The following RIMS1 variants were observed in gnomAD, a reference collection of about 807,000 sequenced individuals.
RIMS1 encodes regulating synaptic membrane exocytosis protein 1.
A neutral mutation model predicts 214.1 loss-of-function variants in RIMS1; 83 were observed. The observed-to-expected ratio is 0.39, with a 90% CI of 0.32 to 0.47. The LOEUF (loss-of-function observed/expected upper bound fraction) is 0.47, where lower values mean the gene tolerates loss of function less well. RIMS1 is among the 20% of genes least tolerant of loss of function. RIMS1 has a pLI of 0.99. For synonymous variants in RIMS1, 793 were observed against 786.8 expected, an observed-to-expected ratio of 1.01 and a Z score of -0.13; for missense variants, 2,050 against 2,161.8, an observed-to-expected ratio of 0.95 and a Z score of 1.03.
intron 4 of RIMS1, among the ~76,000 whole-genome samples, chr6:72,159,206 G>A (rs550065273): frequency 2.8e-5 from 4 of 141,206 alleles, no homozygotes; most frequent in African/African-American, 7.4e-5. Flanking sequence ...CTTTTGAGAA[G>A]TGTCTGTTCA....
chr6:72,191,541 C>T (rs2050076652), intron 6 of RIMS1, among the ~76,000 whole-genome samples: 1 of 152,336 alleles, frequency 6.6e-6, no homozygotes, highest in Non-Finnish European at 1.5e-5. Context: ...CAATCAAGCT[C>T]TCTCAGAACA....
intron 4 of RIMS1, among the ~76,000 whole-genome samples, chr6:72,142,193 A>T (rs1300254432): frequency 6.6e-6 from 1 of 151,966 alleles, no homozygotes; most frequent in Non-Finnish European, 1.5e-5. Flanking sequence ...GCAGAAAAAA[A>T]AATCATTGGG....
intron 6 of RIMS1, among the ~76,000 whole-genome samples, chr6:72,197,633 A>G (rs1379655041): frequency 6.6e-6 from 1 of 152,142 alleles, no homozygotes; most frequent in African/African-American, 2.4e-5. Flanking sequence ...ACAAAATACA[A>G]GATTATATGA....
intron 22 of RIMS1, among the ~76,000 whole-genome samples, chr6:72,268,994 T>C (rs1037081146): frequency 3.9e-5 from 6 of 152,194 alleles, no homozygotes; most frequent in Admixed American, 3.9e-4. Context: ...AAATTGTTAC[T>C]TACATGTTCA....
intron 28 of RIMS1, among the ~76,000 whole-genome samples, chr6:72,316,143 C>G (rs2095781282): frequency 6.6e-6 from 1 of 152,104 alleles, no homozygotes; most frequent in African/African-American, 2.4e-5. Flanking sequence ...CCACCATGAC[C>G]ATGTAGGGTC....
chr6:72,005,543 C>G (rs1049934387), intron 2 of RIMS1, among the ~76,000 whole-genome samples: 33 of 152,300 alleles, frequency 2.2e-4, no homozygotes, highest in African/African-American at 7.9e-4. Context: ...AAATTATTTA[C>G]TGTTTGAGAA....
intron 29 of RIMS1, among the ~76,000 whole-genome samples, chr6:72,378,854 A>G (rs2098438598): frequency 6.6e-6 from 1 of 152,102 alleles, no homozygotes; most frequent in Non-Finnish European, 1.5e-5. Flanking sequence ...ACAAGAAAAG[A>G]AAAAGAAAAG....
chr6:72,086,067 C>T (rs1834587932), intron 2 of RIMS1, among the ~76,000 whole-genome samples: 1 of 152,116 alleles, frequency 6.6e-6, no homozygotes, highest in Non-Finnish European at 1.5e-5. Flanking sequence ...GGAATCCTTC[C>T]TTCATCTTGT....
chr6:71,912,121 G>A (rs767448336), intron 1 of RIMS1, among the ~76,000 whole-genome samples: 1 of 152,088 alleles, frequency 6.6e-6, no homozygotes, highest in Non-Finnish European at 1.5e-5. Context: ...TTTGGAATTA[G>A]GTATAGAAGA....
chr6:72,293,264 A>C (rs543671564), intron 26 of RIMS1, among the ~76,000 whole-genome samples: 82 of 152,102 alleles, frequency 5.4e-4, no homozygotes, highest in African/African-American at 1.9e-3. Flanking sequence ...TCATTTAGTG[A>C]ATCATGAAAA....
intron 23 of RIMS1, among the ~76,000 whole-genome samples, chr6:72,282,467 A>G (rs1040946499): frequency 6.6e-6 from 1 of 152,080 alleles, no homozygotes; most frequent in South Asian, 2.1e-4. Flanking sequence ...AGAGAGAGAG[A>G]GTCATCTGTT....
chr6:72,399,195 AATGT>A, intron 33 of RIMS1, 101 bp downstream of exon 33: 1 of 961,122 alleles, frequency 1.0e-6, no homozygotes, highest in Non-Finnish European at 1.5e-6. Context: ...GGTAAAGATA[AATGT>A]AGGATAATAT....
At chr6:72,089,292 T>G (rs1013059195) in intron 2 of RIMS1, among the ~76,000 whole-genome samples, 1 of 152,176 alleles carries the variant, frequency 6.6e-6, no homozygotes, top group African/African-American at 2.4e-5. Flanking sequence ...GACAACACAC[T>G]GGGCATCATT....
At chr6:72,329,639 A>C (rs910184342) in intron 28 of RIMS1, among the ~76,000 whole-genome samples, 2 of 150,386 alleles carry the variant, frequency 1.3e-5, no homozygotes, top group African/African-American at 2.4e-5. Context: ...TTCTGTAGAG[A>C]GTCAAATGAC....
chr6:72,312,692 A>C (rs1047083504), intron 27 of RIMS1, among the ~76,000 whole-genome samples: 1 of 152,152 alleles, frequency 6.6e-6, no homozygotes, highest in Non-Finnish European at 1.5e-5. Context: ...GAAACTGTCT[A>C]ATGAAGCCAT....
intron 28 of RIMS1, among the ~76,000 whole-genome samples, chr6:72,316,167 A>T (rs2095783317): frequency 6.6e-6 from 1 of 152,042 alleles, no homozygotes; most frequent in Non-Finnish European, 1.5e-5. Flanking sequence ...TCTACTCCCT[A>T]ACCTTTTTCC....
At chr6:72,030,216 G>A (rs1207191078) in intron 2 of RIMS1, among the ~76,000 whole-genome samples, 2 of 152,176 alleles carry the variant, frequency 1.3e-5, no homozygotes, top group South Asian at 2.1e-4. Flanking sequence ...TGGTGCCCAA[G>A]ATTCTGCATG....
At position 72,139,174 on chromosome 6, in the gene RIMS1, CT is replaced by C. The variant is rs1479398815; in HGVS notation, c.471+39192del. ...AGGATACATATGAAAAGACTCTGGCCTTTTCTAGGACCTAAAAAGTCCTATT... is the reference window on the plus strand; with the variant it reads ...AGGATACATATGAAAAGACTCTGGCCTTTCTAGGACCTAAAAAGTCCTATT... On this transcript the variant is annotated intron_variant, in intron 4 of 33. Coordinates refer to ENST00000521978, the MANE Select transcript of RIMS1 (RefSeq NM_014989.7). Among the ~76,000 whole-genome samples, 4 of 152,142 alleles carry C rather than the reference CT, an allele frequency of 2.6e-5. No homozygotes were observed. In the South Asian group the frequency reaches 6.2e-4, roughly 24 times the overall value.
chr6:71,964,031 A>G (rs72929556), intron 1 of RIMS1, among the ~76,000 whole-genome samples: 2,891 of 152,328 alleles, frequency 0.019, 43 homozygotes, highest in South Asian at 0.073. Flanking sequence ...GAGACAGTAT[A>G]TCTCAGAAAA....
Sources: gnomAD v4.1 joint callset for allele counts (sites outside exome capture counted in the v4.1 genomes callset) on GRCh38, gnomAD v4.1.1 for gene constraint, MANE v1.5 for transcripts, NCBI Gene and HGNC (gene_info 2026-07-23, HGNC 2026-07-21) for gene names.